Variants in SMAP2 observed in about 807,000 individuals in gnomAD.
SMAP2 encodes small ArfGAP2.
SMAP2 carries 25 observed loss-of-function variants against 56.4 expected under a neutral mutation model. The observed-to-expected ratio is 0.44, with a 90% CI of 0.32 to 0.62. The LOEUF is 0.62. Ranked by LOEUF, SMAP2 falls within the 20% of genes least tolerant of loss-of-function variation. The probability of loss-of-function intolerance (pLI) is 0.04; values close to 1 mark genes in which losing one functional copy is unlikely to be tolerated. For synonymous variants in SMAP2, 157 were observed against 181.7 expected (o/e 0.86, Z 1.09); for missense variants, 388 against 545.6 (o/e 0.71, Z 2.88).
chr1:40,361,310 G>A (rs148928588), intron 1 of SMAP2, among the ~76,000 whole-genome samples: 1 of 152,216 alleles, frequency 6.6e-6, no homozygotes, highest in Non-Finnish European at 1.5e-5. Flanking sequence ...GTTCACTCAA[G>A]AGCACTTGGG....
At position 40,414,180 on chromosome 1, in the gene SMAP2, C is replaced by G. The variant is rs185341063; in HGVS notation, c.511C>G (p.Gln171Glu). Residue 171 changes from glutamine to glutamate, a missense_variant, in exon 6 of 10, where the codon CAG (glutamine) becomes GAG (glutamate). By Grantham distance (29) the Gln-to-Glu change is conservative (BLOSUM62 2). Transcript: ENST00000372718. ...TTAGCCACAGAAAAAAGAAGACCCACAGCTACCTCGGAAAAGCTCCCCGAA... is the reference window on the plus strand; with the variant it reads ...TTAGCCACAGAAAAAAGAAGACCCAGAGCTACCTCGGAAAAGCTCCCCGAA... ...VKMPQKKEDPQLPRKSSPKST... is the reference protein window; with the variant it reads ...VKMPQKKEDPELPRKSSPKST... The G allele has an allele frequency of 2.3e-5, 37 of 1,614,182 alleles. No individual in the cohort carries two copies. The highest frequency in any genetic ancestry group is 6.7e-5 in the Admixed American group (4 of 60,028).
intron 9 of SMAP2, among the ~76,000 whole-genome samples, chr1:40,418,175 A>G (rs1406805183): frequency 6.6e-6 from 1 of 152,216 alleles, no homozygotes; most frequent in African/African-American, 2.4e-5. Context: ...GCCAAAATGG[A>G]TAAAAAACTG....
At chr1:40,421,849 C>T (rs1228659875) in intron 9 of SMAP2, 127 bp from the exon 10 acceptor site, 1 of 1,076,902 alleles carries the variant, frequency 9.3e-7, no homozygotes, top group Non-Finnish European at 1.4e-6. Context: ...GGTTTACTGT[C>T]CATAACAGAG....
At chr1:40,355,982 C>G (rs1184772171) in intron 1 of SMAP2, among the ~76,000 whole-genome samples, 1 of 152,136 alleles carries the variant, frequency 6.6e-6, no homozygotes, top group Admixed American at 6.6e-5. Flanking sequence ...TCCCCCACCC[C>G]CACTAACCTT....
chr1:40,371,830 A>G (rs531124596), upstream of SMAP2, among the ~76,000 whole-genome samples: 2 of 152,356 alleles, frequency 1.3e-5, no homozygotes, highest in South Asian at 4.1e-4. Flanking sequence ...TATCTCAGCT[A>G]AGCCTCATAA....
chr1:40,415,438 A>G, intron 7 of SMAP2, 57 bp downstream of exon 7: 1 of 1,159,570 alleles, frequency 8.6e-7, no homozygotes, highest in Non-Finnish European at 1.3e-6. Context: ...TGATTTTGAT[A>G]TCTTAATCAT....
At chr1:40,364,145 G>A (rs1296254633) in intron 2 of SMAP2, among the ~76,000 whole-genome samples, 2 of 152,166 alleles carry the variant, frequency 1.3e-5, no homozygotes, top group East Asian at 3.8e-4. Context: ...ATACACTAAT[G>A]AGAGTTTCCT....
chr1:40,356,104 G>A (rs922379249), intron 1 of SMAP2, among the ~76,000 whole-genome samples: 1 of 152,052 alleles, frequency 6.6e-6, no homozygotes, highest in Non-Finnish European at 1.5e-5. Flanking sequence ...TCTGTGCCTG[G>A]CTCATTTCAC....
intron 1 of SMAP2, among the ~76,000 whole-genome samples, chr1:40,382,942 AATT>A (rs990811303): frequency 1.3e-5 from 2 of 152,214 alleles, no homozygotes; most frequent in African/African-American, 4.8e-5. Context: ...TTATCTGAAT[AATT>A]GTTTTAATTC....
Position 40,385,231 on chromosome 1 carries a change from TTTA to T in SMAP2, c.103+11014_103+11016del, listed in dbSNP as rs1263882143. Among the ~76,000 whole-genome samples, 51 of 152,256 alleles carry T rather than the reference TTTA, an allele frequency of 3.3e-4. 1 individual carries two copies. The highest frequency in any genetic ancestry group is 6.8e-3 in the Middle Eastern group (2 of 294). On this transcript the variant is annotated intron_variant, in intron 1 of 9. Coordinates refer to ENST00000372718, the MANE Select transcript of SMAP2 (RefSeq NM_022733.3). The surrounding 1 kb of genome is among the most constrained non-coding windows in gnomAD (Gnocchi z 4.5). Reference sequence around the variant, plus strand: ...GCATGTCACTCGGTAGTAGTAGAATTTTATTATTGTTGCTTTTTTTCATTTTCA... The same window carrying T: ...GCATGTCACTCGGTAGTAGTAGAATTTTATTGTTGCTTTTTTTCATTTTCA...
intron 9 of SMAP2, 138 bp from the exon 10 acceptor site, chr1:40,421,838 G>C (rs1645046297): frequency 2.2e-5 from 21 of 945,534 alleles, no homozygotes; most frequent in Non-Finnish European, 3.3e-5. Flanking sequence ...CTAAGGTCCA[G>C]GGTTTACTGT....
upstream of SMAP2, among the ~76,000 whole-genome samples, chr1:40,373,099 C>T (rs1296876928): frequency 6.6e-6 from 1 of 152,184 alleles, no homozygotes; most frequent in Non-Finnish European, 1.5e-5. Flanking sequence ...AAAAAACTCG[C>T]TGTTTTGTGA....
intron 1 of SMAP2, among the ~76,000 whole-genome samples, chr1:40,380,394 T>C (rs1644585583): frequency 6.6e-6 from 1 of 152,220 alleles, no homozygotes; most frequent in Non-Finnish European, 1.5e-5. Flanking sequence ...TGTCTTAAGT[T>C]TTAACTCATG....
At chr1:40,413,187 G>T (rs1644954195) in intron 5 of SMAP2, 85 bp downstream of exon 5, 2 of 991,784 alleles carry the variant, frequency 2.0e-6, no homozygotes, top group South Asian at 2.6e-5. Context: ...CTCGTGGTGA[G>T]TACCATTGCA....
At chr1:40,414,754 A>C (rs545216738) in intron 6 of SMAP2, among the ~76,000 whole-genome samples, 1 of 152,086 alleles carries the variant, frequency 6.6e-6, no homozygotes, top group Non-Finnish European at 1.5e-5. Flanking sequence ...TTCAGATGCA[A>C]CCTGTTTCTG....
chr1:40,382,260 C>A (rs539797328), intron 1 of SMAP2, among the ~76,000 whole-genome samples: 8 of 152,224 alleles, frequency 5.3e-5, no homozygotes, highest in Admixed American at 5.2e-4. Flanking sequence ...TCTTGGAAAT[C>A]GTGTCATGCA....
Position 40,408,610 on chromosome 1 carries a change from C to T in SMAP2, c.238-43C>T, listed in dbSNP as rs1345432972. On this transcript the variant is annotated intron_variant, in intron 2 of 9. Transcript: ENST00000372718. This position sits in a 1 kb window ranked among gnomAD's most constrained non-coding sequence, Gnocchi z 4.3. ...TGGGTGAGAAGTTTTTCAGTTCTTTCTTGATCTGACGTTCCATGTTTCTAC... is the reference window on the plus strand; with the variant it reads ...TGGGTGAGAAGTTTTTCAGTTCTTTTTTGATCTGACGTTCCATGTTTCTAC... 6.5e-7 allele frequency: 1 copy of T among 1,549,856 alleles called. No individual in the cohort carries two copies. The highest frequency in any genetic ancestry group is 2.2e-5 in the East Asian group (1 of 44,538).
chr1:40,347,384 A>G (rs1424204994), intron 1 of SMAP2, among the ~76,000 whole-genome samples: 1 of 151,726 alleles, frequency 6.6e-6, no homozygotes, highest in Non-Finnish European at 1.5e-5. Context: ...GCTCCTGGCC[A>G]AATCTCATTT....
At chr1:40,397,725 G>C (rs4660407) in intron 1 of SMAP2, among the ~76,000 whole-genome samples, 14,378 of 152,140 alleles carry the variant, frequency 0.095, 728 homozygotes, top group East Asian at 0.17. Flanking sequence ...AGAGAGACCT[G>C]TAAGCAACTC....
Sources: gnomAD v4.1 joint callset for allele counts (sites outside exome capture counted in the v4.1 genomes callset) on GRCh38, gnomAD v4.1.1 for gene constraint, Gnocchi (gnomAD v3.1) non-coding constraint, MANE v1.5 for transcripts, NCBI Gene and HGNC (gene_info 2026-07-23, HGNC 2026-07-21) for gene names.